Variants in FBXL13 observed in about 807,000 individuals in gnomAD.
FBXL13 encodes F-box and leucine-rich repeat protein 13.
In FBXL13, 67 loss-of-function variants were observed where a neutral mutation model predicts 83.6. The ratio of observed to expected loss-of-function variants is 0.80; its 90% confidence interval spans 0.66 to 0.98. The LOEUF (loss-of-function observed/expected upper bound fraction) is 0.98. Ranked by LOEUF, FBXL13 falls within the 50% of genes least tolerant of loss-of-function variation. The pLI, the probability that FBXL13 is intolerant of heterozygous loss-of-function variation, is 0.00. For synonymous variants in FBXL13, 272 were observed against 299.5 expected, an observed-to-expected ratio of 0.91 and a Z score of 0.95; for missense variants, 822 against 866.5, an observed-to-expected ratio of 0.95 and a Z score of 0.64.
intron 10 of FBXL13, among the ~76,000 whole-genome samples, chr7:102,917,083 T>G (rs543733872): frequency 6.6e-6 from 1 of 152,300 alleles, no homozygotes; most frequent in South Asian, 2.1e-4. Context: ...TGGATTCTTT[T>G]GAGTTGAGTG....
intron 8 of FBXL13, among the ~76,000 whole-genome samples, chr7:102,960,194 T>C (rs1230932006): frequency 1.3e-5 from 2 of 152,070 alleles, no homozygotes; most frequent in Non-Finnish European, 2.9e-5. Context: ...TAGTCAAGAA[T>C]AGACCAAGCA....
At chr7:103,003,286 T>TG (rs1563205902) in intron 6 of FBXL13, among the ~76,000 whole-genome samples, 2 of 117,978 alleles carry the variant, frequency 1.7e-5, no homozygotes, top group African/African-American at 6.2e-5. Context: ...GGGTTTTTTT[T>TG]TTTTTTTTTT....
chr7:102,969,728 G>A (rs1364894940), intron 6 of FBXL13, among the ~76,000 whole-genome samples: 4 of 150,966 alleles, frequency 2.6e-5, no homozygotes, highest in Non-Finnish European at 1.5e-5. Context: ...AACCCAGGAG[G>A]TGGAGGTTGC....
Position 103,060,054 on chromosome 7 carries a change from ATATATATATAC to A in FBXL13, c.-104-4318_-104-4308del, listed in dbSNP as rs1309984043. Among the ~76,000 whole-genome samples the A allele has an allele frequency of 3.9e-3, 412 of 105,556 alleles. 10 individuals carry two copies. Among genetic ancestry groups the A allele is most frequent in the South Asian group, 0.014 (49 of 3,476 alleles). 69.2% of individuals were successfully genotyped at this position (105,556 alleles called of 152,430 possible). On this transcript the variant is annotated intron_variant, in intron 1 of 19. Coordinates refer to ENST00000313221, the Ensembl canonical transcript of FBXL13. Reference sequence around the variant, plus strand: ...TATATATATATATATATATATATATATATATATATACTTTTTTTTTTTTTTGAGACAAGGTC... The same window carrying A: ...TATATATATATATATATATATATATATTTTTTTTTTTTTTGAGACAAGGTC...
At chr7:102,968,606 G>GGTA (rs1298619737) in intron 6 of FBXL13, among the ~76,000 whole-genome samples, 2 of 152,128 alleles carry the variant, frequency 1.3e-5, no homozygotes, top group Non-Finnish European at 2.9e-5. Context: ...CTGGAAATGT[G>GGTA]GTAGACCAAA....
intron 11 of FBXL13, among the ~76,000 whole-genome samples, chr7:102,884,837 C>G (rs574311024): frequency 2.6e-5 from 4 of 152,294 alleles, no homozygotes; most frequent in Admixed American, 2.6e-4. Flanking sequence ...AATCGGTGTC[C>G]TGTCTCCATA....
At chr7:102,888,065 C>T (rs74622094) in intron 11 of FBXL13, among the ~76,000 whole-genome samples, 3,104 of 152,304 alleles carry the variant, frequency 0.02, 96 homozygotes, top group African/African-American at 0.071. Flanking sequence ...AAATGGCCCA[C>T]GACTCTTTAT....
intron 16 of FBXL13, among the ~76,000 whole-genome samples, chr7:102,858,867 A>C (rs10240915): frequency 0.029 from 4,437 of 152,282 alleles, 231 homozygotes; most frequent in African/African-American, 0.1. Flanking sequence ...GTGACTGCTA[A>C]TGGGAAGGGC....
At chr7:102,835,481 A>G (rs1387140271) in intron 17 of FBXL13, among the ~76,000 whole-genome samples, 2 of 152,204 alleles carry the variant, frequency 1.3e-5, no homozygotes, top group African/African-American at 4.8e-5. Flanking sequence ...ACATCATATT[A>G]GAACACAGTA....
intron 6 of FBXL13, chr7:102,976,342 G>A (rs1295131900): frequency 3.3e-6 from 2 of 613,572 alleles, no homozygotes; most frequent in East Asian, 5.4e-5. Flanking sequence ...TGATGAACAA[G>A]CCTCCAAACC....
intron 16 of FBXL13, among the ~76,000 whole-genome samples, chr7:102,867,575 C>T (rs533561280): frequency 4.0e-5 from 6 of 149,298 alleles, no homozygotes; most frequent in African/African-American, 7.5e-5. Context: ...GGCCAAGGGC[C>T]GCCTCAGGAA....
intron 16 of FBXL13, among the ~76,000 whole-genome samples, chr7:102,867,693 ATATTTTTTTTTTT>A (rs1807922924): frequency 3.0e-5 from 2 of 66,496 alleles, no homozygotes; most frequent in African/African-American, 2.1e-4. Flanking sequence ...ATATATATAT[ATATTTTTTTTTTT>A]TTTTTTTTTT....
chr7:103,021,161 C>G (rs1275091412), intron 6 of FBXL13, among the ~76,000 whole-genome samples: 3 of 152,036 alleles, frequency 2.0e-5, no homozygotes, highest in Admixed American at 2.0e-4. Context: ...CAGAACAGAG[C>G]CCTCAGAAAT....
At chr7:102,907,861 G>A (rs1261611985) in intron 11 of FBXL13, among the ~76,000 whole-genome samples, 2 of 152,150 alleles carry the variant, frequency 1.3e-5, no homozygotes, top group Non-Finnish European at 2.9e-5. Context: ...AAACCACAAT[G>A]TGATACCGTC....
chr7:103,005,061 A>G (rs1428744672), intron 6 of FBXL13, among the ~76,000 whole-genome samples: 1 of 152,236 alleles, frequency 6.6e-6, no homozygotes, highest in Non-Finnish European at 1.5e-5. Flanking sequence ...GGCAACAAAA[A>G]TTATATTGAC....
intron 8 of FBXL13, among the ~76,000 whole-genome samples, chr7:102,957,552 A>G (rs752919236): frequency 6.6e-6 from 1 of 152,160 alleles, no homozygotes; most frequent in Non-Finnish European, 1.5e-5. Flanking sequence ...AATCAAACTA[A>G]AGAGCTTCTG....
intron 8 of FBXL13, among the ~76,000 whole-genome samples, chr7:102,958,136 C>T (rs779889818): frequency 1.4e-4 from 21 of 152,100 alleles, no homozygotes; most frequent in Non-Finnish European, 2.6e-4. Flanking sequence ...GGAACCAACC[C>T]AAATGCCCAT....
intron 6 of FBXL13, among the ~76,000 whole-genome samples, chr7:102,969,536 A>G (rs7458627): frequency 4.1e-4 from 63 of 152,048 alleles, no homozygotes; most frequent in Non-Finnish European, 7.5e-4. Flanking sequence ...TATGAAACAG[A>G]AAGAAATCAC....
intron 6 of FBXL13, among the ~76,000 whole-genome samples, chr7:102,968,880 G>A (rs1219755685): frequency 2.0e-5 from 3 of 152,102 alleles, no homozygotes; most frequent in East Asian, 3.9e-4. Flanking sequence ...GTACAAAGCT[G>A]GTACAGTCAT....
Sources: gnomAD v4.1 joint callset for allele counts (sites outside exome capture counted in the v4.1 genomes callset) on GRCh38, gnomAD v4.1.1 for gene constraint, MANE v1.5 for transcripts, NCBI Gene and HGNC (gene_info 2026-07-23, HGNC 2026-07-21) for gene names.